The following AGBL1 variants were observed in gnomAD, a reference collection of about 807,000 sequenced individuals.
The protein encoded by AGBL1 is cytosolic carboxypeptidase 4.
A neutral mutation model predicts 118.9 loss-of-function variants in AGBL1; 130 were observed. The observed-to-expected ratio is 1.09, with a 90% CI of 0.95 to 1.26. The LOEUF (loss-of-function observed/expected upper bound fraction) is 1.26. Ranked by LOEUF, AGBL1 falls within the 50% of genes most tolerant of loss-of-function variation. The pLI is 0.00. For synonymous variants in AGBL1, 555 were observed against 478.9 expected, an observed-to-expected ratio of 1.16 and a Z score of -2.08; for missense variants, 1,584 against 1,298.1, an observed-to-expected ratio of 1.22 and a Z score of -3.38.
intron 24 of AGBL1, among the ~76,000 whole-genome samples, chr15:86,999,874 C>A (rs1294194883): frequency 3.8e-4 from 46 of 121,460 alleles, no homozygotes; most frequent in African/African-American, 1.3e-3. Context: ...TTCTCCACAT[C>A]CTCTCCAGCA....
chr15:86,684,739 T>G (rs2086024139), intron 22 of AGBL1, among the ~76,000 whole-genome samples: 1 of 152,138 alleles, frequency 6.6e-6, no homozygotes, highest in African/African-American at 2.4e-5. Flanking sequence ...ACTTGTTTAC[T>G]CTCAGATTTT....
At chr15:86,781,258 A>C (rs1168234314) in intron 22 of AGBL1, among the ~76,000 whole-genome samples, 1 of 152,028 alleles carries the variant, frequency 6.6e-6, no homozygotes, top group Non-Finnish European at 1.5e-5. Context: ...TCTACTTACT[A>C]TGTTTTGCCT....
intron 22 of AGBL1, among the ~76,000 whole-genome samples, chr15:86,755,171 G>T (rs1367523907): frequency 6.6e-6 from 1 of 152,078 alleles, no homozygotes; most frequent in Non-Finnish European, 1.5e-5. Flanking sequence ...AAAGGAAAAA[G>T]GAAAGGAGGG....
intron 21 of AGBL1, among the ~76,000 whole-genome samples, chr15:86,565,516 C>T: frequency 6.6e-6 from 1 of 152,206 alleles, no homozygotes; most frequent in Non-Finnish European, 1.5e-5. Flanking sequence ...GGGTACCCAG[C>T]CATGTGACGT....
intron 18 of AGBL1, among the ~76,000 whole-genome samples, chr15:86,410,730 C>T (rs561210776): frequency 3.6e-5 from 5 of 137,310 alleles, no homozygotes; most frequent in African/African-American, 1.4e-4. Flanking sequence ...TTTAGTTTTG[C>T]AAAGAGATCC....
At chr15:86,144,639 A>G (rs938322045) in intron 3 of AGBL1, among the ~76,000 whole-genome samples, 1 of 152,192 alleles carries the variant, frequency 6.6e-6, no homozygotes, top group Non-Finnish European at 1.5e-5. Flanking sequence ...ACAGAGGGGA[A>G]CAACACACAC....
intron 23 of AGBL1, among the ~76,000 whole-genome samples, chr15:86,939,365 C>T (rs1362515014): frequency 6.6e-6 from 1 of 152,216 alleles, no homozygotes; most frequent in Admixed American, 6.5e-5. Context: ...CCTTGAACAT[C>T]AGACTCCAAG....
intron 19 of AGBL1, among the ~76,000 whole-genome samples, chr15:86,544,474 G>A (rs914928975): frequency 6.6e-6 from 1 of 152,184 alleles, no homozygotes; most frequent in African/African-American, 2.4e-5. Context: ...GTGAGACTAG[G>A]TAATTTGTAA....
intron 17 of AGBL1, among the ~76,000 whole-genome samples, chr15:86,325,440 G>GA (rs910124708): frequency 1.3e-5 from 2 of 152,190 alleles, no homozygotes; most frequent in Admixed American, 6.5e-5. Context: ...TGGAGTTGGG[G>GA]AATGCAGTTC....
rs145313832 is a variant in AGBL1, at chr15:86,762,842, G to A, written c.3158+88406G>A. Among the ~76,000 whole-genome samples the A allele has an allele frequency of 2.9e-3, 434 of 152,002 alleles. 4 individuals are homozygous for A. The highest frequency in any genetic ancestry group is 9.8e-3 in the African/African-American group (407 of 41,480). ...TGTTCCTCCTTGTGGAATATTTGTG[G>A]GATAGTTGAGTGTGTTGTAAAGAGG... is the stretch of plus-strand genomic sequence containing the variant. On this transcript the variant is annotated intron_variant, in intron 22 of 22. Transcript: ENST00000614907.
chr15:86,253,845 A>G (rs1345399642), intron 7 of AGBL1, among the ~76,000 whole-genome samples: 4 of 152,156 alleles, frequency 2.6e-5, no homozygotes, highest in Non-Finnish European at 5.9e-5. Flanking sequence ...CTACCCATCC[A>G]TCTCCAGAAC....
At chr15:86,081,326 C>T (rs1037389713) in intron 1 of AGBL1, among the ~76,000 whole-genome samples, 3 of 152,168 alleles carry the variant, frequency 2.0e-5, no homozygotes, top group African/African-American at 7.2e-5. Context: ...CAGGCGTGAG[C>T]CACTGTACCT....
intron 6 of AGBL1, among the ~76,000 whole-genome samples, chr15:86,230,574 C>A (rs1376013465): frequency 1.3e-5 from 2 of 152,186 alleles, no homozygotes; most frequent in African/African-American, 2.4e-5. Flanking sequence ...GAGAATGATG[C>A]CCCCAAAGTT....
chr15:86,090,999 C>T (rs908470973), intron 1 of AGBL1, among the ~76,000 whole-genome samples: 3 of 152,066 alleles, frequency 2.0e-5, no homozygotes, highest in African/African-American at 7.2e-5. Context: ...ATCTGATATA[C>T]CTATTTATTT....
chr15:86,989,283 G>T (rs752367026), intron 24 of AGBL1, among the ~76,000 whole-genome samples: 5 of 152,234 alleles, frequency 3.3e-5, no homozygotes, highest in South Asian at 2.1e-4. Flanking sequence ...TTACAGGCAT[G>T]AGCCACCACA....
chr15:86,168,787 C>T (rs964504910), intron 5 of AGBL1, among the ~76,000 whole-genome samples: 7 of 152,234 alleles, frequency 4.6e-5, no homozygotes, highest in African/African-American at 9.6e-5. Context: ...ATAAATATTA[C>T]CATTTTTCTA....
At chr15:86,155,274 C>G (rs2077172715) in intron 4 of AGBL1, among the ~76,000 whole-genome samples, 1 of 151,836 alleles carries the variant, frequency 6.6e-6, no homozygotes. Flanking sequence ...TTGAGACCAG[C>G]TTGGTCTCTG....
chr15:86,896,561 G>A (rs1284013546), intron 22 of AGBL1, among the ~76,000 whole-genome samples: 1 of 151,898 alleles, frequency 6.6e-6, no homozygotes, highest in Admixed American at 6.6e-5. Context: ...TCCCCCTTCT[G>A]GTAGTTAGGT....
intron 18 of AGBL1, among the ~76,000 whole-genome samples, chr15:86,411,340 A>G (rs2142010645): frequency 6.6e-6 from 1 of 152,254 alleles, no homozygotes; most frequent in East Asian, 1.9e-4. Flanking sequence ...TGCACCTATC[A>G]GGAACCAGAA....
Sources: gnomAD v4.1 joint callset for allele counts (sites outside exome capture counted in the v4.1 genomes callset) on GRCh38, gnomAD v4.1.1 for gene constraint, MANE v1.5 for transcripts, NCBI Gene and HGNC (gene_info 2026-07-23, HGNC 2026-07-21) for gene names.